ABCA4: variants seen among roughly 807,000 people sequenced by gnomAD.
ABCA4 encodes retinal-specific phospholipid-transporting ATPase ABCA4.
In ABCA4, 196 loss-of-function variants were observed where a neutral mutation model predicts 263.7. The observed-to-expected ratio is 0.74, with a 90% confidence interval of 0.66 to 0.84. The LOEUF is 0.84. Ranked by LOEUF, ABCA4 falls within the 40% of genes least tolerant of loss-of-function variation. The pLI is 0.00. For synonymous variants in ABCA4, 1,133 were observed against 1,094.2 expected, an observed-to-expected ratio of 1.04 and a Z score of -0.70; for missense variants, 2,792 against 2,855.1, an observed-to-expected ratio of 0.98 and a Z score of 0.50.
At chr1:94,083,732 C>T (rs1443531006) in intron 6 of ABCA4, among the ~76,000 whole-genome samples, 2 of 152,146 alleles carry the variant, frequency 1.3e-5, no homozygotes, top group African/African-American at 2.4e-5. Context: ...GTTTTAGTGA[C>T]ACCAAACAAG....
rs753755944 is a variant in ABCA4 at position 94,041,191 on chromosome 1, C to T, written c.3522+18G>A. On this transcript the variant is annotated intron_variant, in intron 23 of 49. Coordinates refer to ENST00000370225, the MANE Select transcript of ABCA4 (RefSeq NM_000350.3). ...CCTTCTCACCCAGGCCAGGGTCCTT[C>T]CCTGGGCAGACACCTACCTCACTGC... 1.2e-6 allele frequency: 2 copies of T among 1,613,874 alleles called. No homozygotes were observed. The highest frequency in any genetic ancestry group is 1.7e-6 in the Non-Finnish European group (2 of 1,179,830).
chr1:94,047,155 C>T, intron 18 of ABCA4, 62 bp from the exon 19 acceptor site: 1 of 1,574,978 alleles, frequency 6.3e-7, no homozygotes, highest in Non-Finnish European at 8.7e-7. Context: ...CCCCAGGGCT[C>T]TGTCTCCAGG....
chr1:94,084,720 A>T (rs971428940), intron 6 of ABCA4, among the ~76,000 whole-genome samples: 2 of 152,152 alleles, frequency 1.3e-5, no homozygotes, highest in Non-Finnish European at 2.9e-5. Flanking sequence ...CACATCACTG[A>T]GAAGCGTCTC....
chr1:94,046,524 C>A (rs1332397372), intron 19 of ABCA4, among the ~76,000 whole-genome samples: 1 of 148,678 alleles, frequency 6.7e-6, no homozygotes, highest in Non-Finnish European at 1.5e-5. Flanking sequence ...CTTCCATGCA[C>A]ATGATGACAG....
chr1:94,028,906 CAAAAAAA>C (rs34738807), intron 30 of ABCA4, among the ~76,000 whole-genome samples: 1 of 37,654 alleles, frequency 2.7e-5, no homozygotes, highest in Non-Finnish European at 4.2e-5. Context: ...GACTCTGTCT[CAAAAAAA>C]AAAAAAAAAA....
At chr1:94,032,911 A>C (rs967721807) in intron 26 of ABCA4, among the ~76,000 whole-genome samples, 1 of 152,218 alleles carries the variant, frequency 6.6e-6, no homozygotes, top group African/African-American at 2.4e-5. Context: ...TGAATTTTTA[A>C]ACAACAAAAT....
In ABCA4 at chr1:94,063,158, G is replaced by A. The variant is rs1557787756; in HGVS notation, c.1714C>T (p.Arg572Ter). The change falls in exon 12 of 50, where the codon CGA (arginine) becomes TGA (stop). Residue 572 changes from arginine to a stop codon, truncating the protein, a stop_gained. Transcript: ENST00000370225. LOFTEE classifies it high-confidence loss of function. Reference sequence around the variant, plus strand: ...TTCTCCACCACGTCTATGTCCATTCGGATCTTATACTTCACGTGGGGTGGT... The same window carrying A: ...TTCTCCACCACGTCTATGTCCATTCAGATCTTATACTTCACGTGGGGTGGT... ...SLPPHVKYKI[R>*]MDIDVVEKTN... 3 of 1,614,042 alleles carry A rather than the reference G, an allele frequency of 1.9e-6. No individual in the cohort carries two copies. The highest frequency in any genetic ancestry group is 1.1e-5 in the South Asian group (1 of 91,072).
chr1:94,091,625 AC>A (rs1481951491), intron 6 of ABCA4, among the ~76,000 whole-genome samples: 1 of 127,490 alleles, frequency 7.8e-6, no homozygotes, highest in African/African-American at 2.7e-5. Flanking sequence ...ACACACACAC[AC>A]AATTTCCTAT....
intron 26 of ABCA4, among the ~76,000 whole-genome samples, chr1:94,033,318 G>A (rs879339725): frequency 2.6e-5 from 4 of 151,856 alleles, no homozygotes; most frequent in Non-Finnish European, 4.4e-5. Flanking sequence ...CAGCTACTTG[G>A]GAGGCTGAGG....
Position 93,998,002 on chromosome 1 carries a change from ACTGCCTGGGAAG to A in ABCA4, c.6576_6587del (p.Phe2193_Ser2196del). 6.2e-7 allele frequency: 1 copy of A among 1,614,192 alleles called. No homozygotes were observed. The highest frequency in any genetic ancestry group is 8.5e-7 in the Non-Finnish European group (1 of 1,180,034). On this transcript the variant is annotated inframe_deletion, in exon 48 of 50. Transcript: ENST00000370225. Reference sequence around the variant, plus strand: ...TGTTGTAGTGCCTCTCCCTCTGCACACTGCCTGGGAAGTTCCCCTGGAAGAACTGCTCCACAG... The same window carrying A: ...TGTTGTAGTGCCTCTCCCTCTGCACATTCCCCTGGAAGAACTGCTCCACAG...
intron 19 of ABCA4, among the ~76,000 whole-genome samples, chr1:94,045,133 G>A (rs1054300575): frequency 6.6e-6 from 1 of 152,216 alleles, no homozygotes; most frequent in Non-Finnish European, 1.5e-5. Flanking sequence ...TCCTGGGTGA[G>A]CAGTCATGGC....
intron 36 of ABCA4, among the ~76,000 whole-genome samples, chr1:94,018,264 C>T (rs1386044649): frequency 6.6e-6 from 1 of 152,206 alleles, no homozygotes; most frequent in Non-Finnish European, 1.5e-5. Flanking sequence ...TATTTCTTAT[C>T]TTTTAAAAAA....
chr1:94,001,423 T>A (rs1267123023), intron 45 of ABCA4: 7 of 504,482 alleles, frequency 1.4e-5, no homozygotes, highest in Non-Finnish European at 2.2e-5. Context: ...GGGAGGTCAC[T>A]CAGGTCACTT....
intron 26 of ABCA4, among the ~76,000 whole-genome samples, chr1:94,036,184 A>T (rs1196797310): frequency 6.6e-6 from 1 of 151,638 alleles, no homozygotes; most frequent in African/African-American, 2.4e-5. Flanking sequence ...CAGCATGAGG[A>T]GCTGAGGGAT....
intron 11 of ABCA4, among the ~76,000 whole-genome samples, chr1:94,075,769 C>T (rs574930797): frequency 6.6e-6 from 1 of 152,186 alleles, no homozygotes; most frequent in African/African-American, 2.4e-5. Flanking sequence ...GAGTGGTCCA[C>T]CCTTAGATGG....
intron 4 of ABCA4, among the ~76,000 whole-genome samples, chr1:94,106,826 G>C (rs1228938796): frequency 2.6e-5 from 4 of 152,152 alleles, no homozygotes; most frequent in Admixed American, 1.3e-4. Flanking sequence ...AGTTTCCCCT[G>C]TTGACTCTCC....
intron 47 of ABCA4, among the ~76,000 whole-genome samples, chr1:94,000,198 C>T (rs2100992682): frequency 6.6e-6 from 1 of 152,298 alleles, no homozygotes; most frequent in Non-Finnish European, 1.5e-5. Flanking sequence ...TAACTCTGCT[C>T]TTTTCTAGGT....
Position 94,021,967 on chromosome 1 carries a change from G to A in ABCA4, c.4668-16C>T. On this transcript the variant is annotated splice_polypyrimidine_tract_variant and intron_variant, in intron 32 of 49. Coordinates refer to ENST00000370225, the MANE Select transcript of ABCA4 (RefSeq NM_000350.3). ...TCCTCCATACCTGACAAGGAAACAG[G>A]AAATCCTCAGACCAGGGCCACGAAC... 6.2e-7 allele frequency: 1 copy of A among 1,610,352 alleles called. No homozygotes were observed. Among genetic ancestry groups the A allele is most frequent in the Middle Eastern group, 1.7e-4 (1 of 6,050 alleles).
rs775859810 is a variant in ABCA4, at chr1:94,042,801, C to T, written c.3288G>A (p.Ser1096=). ...DEPTSGVDPY[S]RRSIWDLLLK... is the part of the protein sequence containing the mutation. Reference sequence around the variant, plus strand: ...GGAGCAGATCCCAGATTGAGCGTCTCGAGTAAGGGTCCACCCCAGAGGTGG... The same window carrying T: ...GGAGCAGATCCCAGATTGAGCGTCTTGAGTAAGGGTCCACCCCAGAGGTGG... Residue 1096 remains serine, a synonymous_variant, in exon 22 of 50, where the codon TCG becomes TCA. Transcript: ENST00000370225. 6 of 1,614,162 alleles carry T rather than the reference C, an allele frequency of 3.7e-6. No individual in the cohort carries two copies. Among genetic ancestry groups the T allele is most frequent in the South Asian group, 3.3e-5 (3 of 91,088 alleles).
Sources: allele counts gnomAD v4.1 joint callset (sites outside exome capture counted in the v4.1 genomes callset), GRCh38; gene constraint gnomAD v4.1.1; transcripts MANE v1.5; gene names NCBI Gene and HGNC (gene_info 2026-07-23, HGNC 2026-07-21).